Variants in CRB2 observed in about 807,000 individuals in gnomAD.
CRB2 encodes the protein crumbs cell polarity complex component 2.
A neutral mutation model predicts 110.9 loss-of-function variants in CRB2; 85 were observed. That is an observed-to-expected ratio of 0.77 (90% CI 0.64 to 0.92). The LOEUF is 0.92. Among genes scored for constraint, CRB2 ranks in the 40% least tolerant of loss-of-function variants. The pLI is 0.00. For synonymous variants in CRB2, 907 were observed against 831.0 expected, an observed-to-expected ratio of 1.09 and a Z score of -1.57; for missense variants, 1,843 against 1,851.3, an observed-to-expected ratio of 1.00 and a Z score of 0.08.
At chr9:123,374,536 C>T in intron 10 of CRB2, 43 bp from the exon 11 acceptor site, 2 of 1,450,340 alleles carry the variant, frequency 1.4e-6, no homozygotes, top group Non-Finnish European at 9.6e-7. Context: ...GAGGGCAGGT[C>T]CCAGGTGTCC....
At chr9:123,358,134 A>G (rs867216800) in intron 1 of CRB2, among the ~76,000 whole-genome samples, 6 of 152,122 alleles carry the variant, frequency 3.9e-5, no homozygotes, top group Admixed American at 6.5e-5. Flanking sequence ...GCCTGCCGGG[A>G]GGGGAGGGAT....
chr9:123,362,226 C>T (rs935695870), intron 1 of CRB2, among the ~76,000 whole-genome samples: 2 of 152,142 alleles, frequency 1.3e-5, no homozygotes, highest in Admixed American at 6.5e-5. Context: ...AAGTTGTCCA[C>T]CCATCCTCCA....
chr9:123,361,770 A>G (rs1436478806), intron 1 of CRB2, among the ~76,000 whole-genome samples: 1 of 152,198 alleles, frequency 6.6e-6, no homozygotes, highest in Non-Finnish European at 1.5e-5. Context: ...CAGACTGGGA[A>G]ACGGAGGCTC....
rs368619846 is a variant in CRB2, at chr9:123,376,824, C to T, written c.3634-14C>T. Reference sequence around the variant, plus strand: ...TCTCTGCGGTCTTAGGCCTCGGTGTCGTGTCTCTTGCAGAAGGGCCTGCCC... The same window carrying T: ...TCTCTGCGGTCTTAGGCCTCGGTGTTGTGTCTCTTGCAGAAGGGCCTGCCC... On this transcript the variant is annotated splice_polypyrimidine_tract_variant and intron_variant, in intron 12 of 12. Transcript: ENST00000373631. 542 of 1,598,728 alleles carry T rather than the reference C, an allele frequency of 3.4e-4. No individual in the cohort carries two copies. Among genetic ancestry groups the T allele is most frequent in the Admixed American group, 1.0e-3 (58 of 57,954 alleles).
downstream of CRB2, chr9:123,380,184 C>T (rs2130811151): frequency 6.6e-6 from 1 of 152,480 alleles, no homozygotes; most frequent in East Asian, 1.9e-4. Context: ...GAAATGCTCA[C>T]AATTTCCTGC....
At chr9:123,368,744 G>C (rs527242165) in intron 6 of CRB2, 1 of 1,111,426 alleles carries the variant, frequency 9.0e-7, no homozygotes, top group Non-Finnish European at 1.1e-6. Flanking sequence ...CCTCCCTTTA[G>C]GCCATGCTGG....
In CRB2 at chr9:123,370,161, G is replaced by A. The variant is rs777423121; in HGVS notation, c.1108G>A (p.Gly370Ser). 1.2e-5 allele frequency: 19 copies of A among 1,608,776 alleles called. No homozygotes were observed. In the South Asian group the frequency reaches 1.3e-4, roughly 11 times the overall value. ...DECLSDPCLH[G>S]GTCSDTVAGY... is the part of the protein sequence containing the mutation. ...ATGCCTGTCGGATCCCTGCCTGCACGGCGGAACCTGCAGTGACACTGTGGC... is the reference window on the plus strand; with the variant it reads ...ATGCCTGTCGGATCCCTGCCTGCACAGCGGAACCTGCAGTGACACTGTGGC... The change falls in exon 7 of 13, where the codon GGC becomes AGC. Residue 370 changes from glycine (G) to serine (S), a missense_variant. Transcript: ENST00000373631.
intron 1 of CRB2, 85 bp downstream of exon 1, chr9:123,356,439 T>G: frequency 9.0e-7 from 1 of 1,114,488 alleles, no homozygotes; most frequent in African/African-American, 1.6e-5. Flanking sequence ...GCTGGGGTGG[T>G]GGGTGGGCTG....
chr9:123,359,521 C>A (rs1326656512), intron 1 of CRB2, among the ~76,000 whole-genome samples: 1 of 147,526 alleles, frequency 6.8e-6, no homozygotes, highest in African/African-American at 2.6e-5. Flanking sequence ...AAATCATAGC[C>A]CACTGTAGCC....
chr9:123,373,480 G>C lies in CRB2; in HGVS notation c.2949G>C (p.Pro983=). 1 of 1,449,238 alleles carries C rather than the reference G, an allele frequency of 6.9e-7. No individual in the cohort carries two copies. The highest frequency in any genetic ancestry group is 9.0e-7 in the Non-Finnish European group (1 of 1,110,240). The allele number at this position is 1,449,238 out of a possible 1,614,324, so 89.8% of individuals were successfully genotyped here. A position where few individuals can be genotyped will look rare whatever the true frequency, so the allele number is the denominator to read the frequency against. The change falls in exon 10 of 13, where the codon CCG becomes CCC. Residue 983 remains proline (P), a synonymous_variant. Transcript: ENST00000373631. The part of the protein sequence containing the change: ...WLLWLDGAAT[P]VALRGLASDL... The stretch of plus-strand genomic sequence containing the variant: ...TGTGGCTGGATGGTGCCGCCACCCC[G>C]GTGGCGCTGCGCGGCCTGGCCAGTG...
At position 123,374,835 on chromosome 9, in the gene CRB2, T is replaced by C; in HGVS notation, c.3506+140T>C. The stretch of plus-strand genomic sequence containing the variant: ...AGTCACCATTGTCACTTGAGTTTCC[T>C]TCCATGACTCGCAAGACCATCCTCT... On this transcript the variant is annotated intron_variant, in intron 11 of 12. Transcript: ENST00000373631. 4.7e-6 allele frequency: 3 copies of C among 641,072 alleles called. No homozygotes were observed. The South Asian group carries it at 5.8e-5, about 12-fold the overall frequency. 39.7% of individuals were successfully genotyped at this position (641,072 alleles called of 1,614,324 possible). A position where few individuals can be genotyped will look rare whatever the true frequency, so the allele number is the denominator to read the frequency against.
intron 6 of CRB2, chr9:123,369,022 G>A: frequency 1.9e-6 from 2 of 1,071,566 alleles, no homozygotes; most frequent in Non-Finnish European, 2.3e-6. Context: ...TGGTGTTTGT[G>A]AGCTGATCGA....
chr9:123,364,731 G>C (rs1269230596), intron 2 of CRB2, among the ~76,000 whole-genome samples: 2 of 152,196 alleles, frequency 1.3e-5, no homozygotes, highest in Non-Finnish European at 2.9e-5. Flanking sequence ...CGTGAGTCCA[G>C]GATGATCTCA....
Position 123,375,271 on chromosome 9 carries a change from C to T in CRB2, c.3561C>T (p.Thr1187=). 6.2e-7 allele frequency: 1 copy of T among 1,612,336 alleles called. No homozygotes were observed. Among genetic ancestry groups the T allele is most frequent in the Non-Finnish European group, 8.5e-7 (1 of 1,179,174 alleles). The change falls in exon 12 of 13, where the codon ACC becomes ACT. Residue 1187 remains threonine (T), a synonymous_variant. Coordinates refer to ENST00000373631, the MANE Select transcript of CRB2 (RefSeq NM_173689.7). ...CEANPCLNGG[T]CRAAGGVSEC... is the part of the protein sequence containing the mutation. ...CCAACCCCTGCTTGAATGGGGGCAC[C>T]TGCCGGGCAGCTGGAGGGGTGTCTG...
chr9:123,372,020 T>C (rs1306128590), intron 8 of CRB2, among the ~76,000 whole-genome samples, 157 bp from the exon 9 acceptor site: 1 of 152,196 alleles, frequency 6.6e-6, no homozygotes, highest in Non-Finnish European at 1.5e-5. Flanking sequence ...AGTTTTCTCA[T>C]CTGTAAAATG....
upstream of CRB2, chr9:123,356,196 T>C: frequency 8.8e-7 from 1 of 1,131,228 alleles, no homozygotes; most frequent in Non-Finnish European, 1.2e-6. Flanking sequence ...ACGAGGGGGG[T>C]GCGGAGCCAG....
At chr9:123,360,064 A>G (rs1475003477) in intron 1 of CRB2, among the ~76,000 whole-genome samples, 1 of 152,200 alleles carries the variant, frequency 6.6e-6, no homozygotes, top group Non-Finnish European at 1.5e-5. Context: ...GACCTCTGGG[A>G]AATCAGGAGC....
At position 123,374,582 on chromosome 9, in the gene CRB2, G is replaced by T. The variant is rs372912361; in HGVS notation, c.3393G>T (p.Leu1131Phe). The change falls in exon 11 of 13, where the codon TTG (leucine) becomes TTT (phenylalanine). Residue 1131 changes from leucine (L) to phenylalanine (F), a missense_variant. Transcript: ENST00000373631. ...PPGFGGPRCR[L>F]PVPSKECSLN... ...CCAGCCTCTGCTCTCTCCCCAGGTT[G>T]CCTGTCCCATCCAAGGAGTGCAGCC... is the stretch of plus-strand genomic sequence containing the variant. 10 of 1,612,104 alleles carry T rather than the reference G, an allele frequency of 6.2e-6. No homozygotes were observed. The highest frequency in any genetic ancestry group is 1.3e-5 in the African/African-American group (1 of 74,920).
rs182630112 is a variant in CRB2, at chr9:123,373,598, C to G, written c.3067C>G (p.Pro1023Ala). The G allele has an allele frequency of 2.4e-5, 33 of 1,399,434 alleles. No individual in the cohort carries two copies. Among genetic ancestry groups the G allele is most frequent in the Non-Finnish European group, 2.9e-5 (31 of 1,081,732 alleles). 86.7% of individuals were successfully genotyped at this position (1,399,434 alleles called of 1,614,324 possible). A position where few individuals can be genotyped will look rare whatever the true frequency, so the allele number is the denominator to read the frequency against. Residue 1023 changes from proline (P) to alanine (A), a missense_variant, in exon 10 of 13, where the codon CCC (proline) becomes GCC (alanine). Physicochemically the swap from Pro to Ala is conservative, Grantham distance 27. Coordinates refer to ENST00000373631, the MANE Select transcript of CRB2 (RefSeq NM_173689.7). ...CLGRVALGGL[P>A]LPLARPRPGA... ...GGGCCGCGTGGCGCTGGGCGGCCTG[C>G]CCCTGCCCTTGGCGCGGCCCCGGCC...
Sources: gnomAD v4.1 joint callset for allele counts (sites outside exome capture counted in the v4.1 genomes callset) on GRCh38, gnomAD v4.1.1 for gene constraint, MANE v1.5 for transcripts, NCBI Gene and HGNC (gene_info 2026-07-23, HGNC 2026-07-21) for gene names.